The following CSMD2 variants were observed in gnomAD, a reference collection of about 807,000 sequenced individuals.
The protein encoded by CSMD2 is CUB and sushi domain-containing protein 2.
A neutral mutation model predicts 398.5 loss-of-function variants in CSMD2; 130 were observed. That is an observed-to-expected ratio of 0.33 (90% CI 0.28 to 0.38). The LOEUF (loss-of-function observed/expected upper bound fraction) is 0.38, where lower values mean the gene tolerates loss of function less well. CSMD2 is among the 10% of genes least tolerant of loss of function. The pLI, the probability that CSMD2 is intolerant of heterozygous loss-of-function variation, is 1.00. For missense variants in CSMD2, 3,829 were observed against 4,764.9 expected, an observed-to-expected ratio of 0.80 and a Z score of 5.78; for synonymous variants, 1,828 against 1,908.5, an observed-to-expected ratio of 0.96 and a Z score of 1.10.
chr1:33,677,392 A>T (rs899255911), intron 25 of CSMD2, among the ~76,000 whole-genome samples: 17 of 152,238 alleles, frequency 1.1e-4, no homozygotes, highest in Non-Finnish European at 2.2e-4. Context: ...AGAGAAATGC[A>T]AATCAAAACC....
intron 5 of CSMD2, among the ~76,000 whole-genome samples, chr1:33,900,370 G>A (rs1642666346): frequency 1.2e-4 from 19 of 152,166 alleles, no homozygotes; most frequent in Admixed American, 1.1e-3. Flanking sequence ...AGAGAAAGAG[G>A]GGTAGATCAG....
At chr1:33,904,738 C>CA (rs35622030) in intron 5 of CSMD2, among the ~76,000 whole-genome samples, 37,913 of 152,080 alleles carry the variant, frequency 0.25, 4,875 homozygotes, top group South Asian at 0.31. Flanking sequence ...GATCTCACTG[C>CA]AAGCTCCACC....
chr1:33,711,877 A>G (rs757858054), intron 21 of CSMD2, among the ~76,000 whole-genome samples: 2 of 152,164 alleles, frequency 1.3e-5, no homozygotes, highest in Non-Finnish European at 2.9e-5. Flanking sequence ...GCCAATCCCC[A>G]GGTCCTGACT....
chr1:33,772,822 C>T, intron 12 of CSMD2, 71 bp from the exon 13 acceptor site: 2 of 1,313,902 alleles, frequency 1.5e-6, no homozygotes, highest in Middle Eastern at 3.8e-4. Context: ...TGAAGGTCCA[C>T]ATGACAAGCT....
chr1:34,076,928 A>AAAAAATATAT (rs1232288848), intron 2 of CSMD2, among the ~76,000 whole-genome samples: 24 of 53,590 alleles, frequency 4.5e-4, no homozygotes, highest in African/African-American at 1.6e-3. Flanking sequence ...AAAAAAAAAA[A>AAAAAATATAT]ATATATATAT....
intron 3 of CSMD2, among the ~76,000 whole-genome samples, chr1:34,002,333 C>T (rs1342027925): frequency 1.3e-5 from 2 of 152,098 alleles, no homozygotes; most frequent in African/African-American, 2.4e-5. Flanking sequence ...AATCATAATT[C>T]CTGTTTACAA....
intron 1 of CSMD2, among the ~76,000 whole-genome samples, chr1:34,104,832 T>TA (rs1660368667): frequency 6.6e-6 from 1 of 152,166 alleles, no homozygotes. Context: ...ACTAGGTCAT[T>TA]AGGGATGCTG....
At chr1:34,045,038 TACACACAC>T (rs10588687) in intron 2 of CSMD2, among the ~76,000 whole-genome samples, 2,506 of 142,776 alleles carry the variant, frequency 0.018, 27 homozygotes, top group East Asian at 0.045. Flanking sequence ...TCACACACCA[TACACACAC>T]ACACACACAC....
intron 20 of CSMD2, among the ~76,000 whole-genome samples, chr1:33,715,535 C>T (rs145292939): frequency 6.6e-6 from 1 of 152,268 alleles, no homozygotes; most frequent in African/African-American, 2.4e-5. Flanking sequence ...TGGATATGTC[C>T]CATTGGCCAA....
At chr1:33,658,161 G>A (rs1191304089) in intron 26 of CSMD2, 24 bp from the exon 27 acceptor site, 9 of 1,597,068 alleles carry the variant, frequency 5.6e-6, no homozygotes, top group South Asian at 1.1e-5. Context: ...ATAGAAGAGA[G>A]GGTAAGGTCG....
chr1:33,870,624 T>C (rs1324174620), intron 5 of CSMD2: 2 of 152,168 alleles, frequency 1.3e-5, no homozygotes, highest in Non-Finnish European at 2.9e-5. Context: ...CCATCACCTA[T>C]GGGAGTCTGA....
intron 5 of CSMD2, among the ~76,000 whole-genome samples, chr1:33,878,626 T>C (rs1162356488): frequency 6.6e-6 from 1 of 152,246 alleles, no homozygotes; most frequent in African/African-American, 2.4e-5. Context: ...CTCATTGATC[T>C]GTTTACCTGC....
chr1:34,009,349 G>A (rs74581248), intron 3 of CSMD2, among the ~76,000 whole-genome samples: 1,675 of 151,094 alleles, frequency 0.011, 29 homozygotes, highest in African/African-American at 0.037. Context: ...ATTGAGGGTC[G>A]GGGGTGGGGG....
At chr1:34,146,422 G>A (rs1225954352) in intron 1 of CSMD2, among the ~76,000 whole-genome samples, 1 of 152,136 alleles carries the variant, frequency 6.6e-6, no homozygotes, top group Non-Finnish European at 1.5e-5. Context: ...ACTTCTCATT[G>A]ACCTTTGTCT....
rs546993535 is a variant in CSMD2, at chr1:33,634,102, T to C, written c.5087-567A>G. On this transcript the variant is annotated intron_variant, in intron 31 of 70. Coordinates refer to ENST00000373381, the MANE Select transcript of CSMD2 (RefSeq NM_001281956.2). ...ATTGGACAGCCTTTCAGGACTTTTC[T>C]AACTGCGATCCTGCAGGTCTGAGGC... is the stretch of plus-strand genomic sequence containing the variant. 9.8e-5 allele frequency among the ~76,000 whole-genome samples: 15 copies of C among 152,326 alleles called. No individual in the cohort carries two copies. In the East Asian group the frequency reaches 2.7e-3, roughly 27 times the overall value.
intron 35 of CSMD2, 51 bp from the exon 36 acceptor site, chr1:33,623,517 T>C (rs1215714674): frequency 5.0e-5 from 66 of 1,308,644 alleles, no homozygotes; most frequent in Non-Finnish European, 7.0e-5. Context: ...CGTCCCTCCC[T>C]CCTTCTCTGC....
chr1:33,810,640 G>T (rs1656758748), intron 10 of CSMD2, 103 bp downstream of exon 10: 7 of 1,151,622 alleles, frequency 6.1e-6, no homozygotes, highest in South Asian at 1.4e-5. Flanking sequence ...TGTCTGCAGA[G>T]AATCTACCAT....
At chr1:33,872,969 T>C (rs1429401503) in intron 5 of CSMD2, among the ~76,000 whole-genome samples, 1 of 152,238 alleles carries the variant, frequency 6.6e-6, no homozygotes, top group Non-Finnish European at 1.5e-5. Flanking sequence ...GACGCCTTTG[T>C]TCCTCACATT....
At position 33,516,335 on chromosome 1, in the gene CSMD2, C is replaced by CAG. The variant is rs1416958357; in HGVS notation, c.*287_*288dup. ...AGGCCCATACACACACACACACACA[C>CAG]AGATCCACAAGTTGCTTTGCTATTT... On this transcript the variant is annotated 3_prime_UTR_variant, in exon 71 of 71. Coordinates refer to ENST00000373381, the MANE Select transcript of CSMD2 (RefSeq NM_001281956.2). 6.0e-4 allele frequency: 91 copies of CAG among 152,162 alleles called. No homozygotes were observed. Among genetic ancestry groups the CAG allele is most frequent in the African/African-American group, 2.0e-3 (83 of 41,448 alleles). The allele number at this position is 152,162 out of a possible 1,614,324, so 9.4% of individuals were successfully genotyped here.
Sources: allele counts gnomAD v4.1 joint callset (sites outside exome capture counted in the v4.1 genomes callset), GRCh38; gene constraint gnomAD v4.1.1; transcripts MANE v1.5; gene names NCBI Gene and HGNC (gene_info 2026-07-23, HGNC 2026-07-21).